RPS6KA2: variants seen among roughly 807,000 people sequenced by gnomAD.
RPS6KA2 encodes ribosomal protein S6 kinase A2.
In RPS6KA2, 42 loss-of-function variants were observed where a neutral mutation model predicts 91.8. The observed-to-expected ratio is 0.46, with a 90% CI of 0.36 to 0.59. The LOEUF (loss-of-function observed/expected upper bound fraction) is 0.59. RPS6KA2 is among the 20% of genes least tolerant of loss of function. The probability of loss-of-function intolerance (pLI) is 0.00; values close to 1 mark genes in which losing one functional copy is unlikely to be tolerated. For missense variants in RPS6KA2, 798 were observed against 978.5 expected, an observed-to-expected ratio of 0.82 and a Z score of 2.46; for synonymous variants, 414 against 393.6, an observed-to-expected ratio of 1.05 and a Z score of -0.61.
rs1386408381 is a variant in RPS6KA2 at position 166,554,625 on chromosome 6, G to A, written c.100-15841C>T. Among the ~76,000 whole-genome samples the A allele has an allele frequency of 6.6e-6, 1 of 152,218 alleles. No homozygotes were observed. The highest frequency in any genetic ancestry group is 1.5e-5 in the Non-Finnish European group (1 of 68,030). On this transcript the variant is annotated intron_variant, in intron 1 of 20. Coordinates refer to ENST00000265678, the MANE Select transcript of RPS6KA2 (RefSeq NM_021135.6). The surrounding 1 kb of genome is among the most constrained non-coding windows in gnomAD (Gnocchi z 4.3). The stretch of plus-strand genomic sequence containing the variant: ...ACGCGGGTGGCCATGGGGGGGTGGG[G>A]GTCCCACTCCAGCACAGGACTCCAT...
At chr6:166,771,503 G>A (rs1464460412) in intron 2 of RPS6KA2, among the ~76,000 whole-genome samples, 2 of 152,172 alleles carry the variant, frequency 1.3e-5, no homozygotes, top group Non-Finnish European at 2.9e-5. Context: ...ATTTTACTCA[G>A]CAACGTGGTT....
chr6:166,664,002 T>C (rs1788243925), intron 2 of RPS6KA2, among the ~76,000 whole-genome samples: 1 of 152,236 alleles, frequency 6.6e-6, no homozygotes, highest in Admixed American at 6.5e-5. Context: ...ACCCATCTCA[T>C]AGGTTTTCTG....
At chr6:166,656,590 CT>C (rs1180840573) in intron 2 of RPS6KA2, among the ~76,000 whole-genome samples, 3 of 152,264 alleles carry the variant, frequency 2.0e-5, no homozygotes, top group Non-Finnish European at 2.9e-5. Context: ...GCCTCCAGCC[CT>C]GGTCTCTGGG....
At chr6:166,631,052 C>T (rs1224016345), upstream of RPS6KA2, among the ~76,000 whole-genome samples, 1 of 152,184 alleles carries the variant, frequency 6.6e-6, no homozygotes, top group Non-Finnish European at 1.5e-5. Flanking sequence ...TGGCCCTCAC[C>T]CACAGGACAC....
At chr6:166,469,214 T>C (rs1281086242) in intron 11 of RPS6KA2, among the ~76,000 whole-genome samples, 1 of 152,074 alleles carries the variant, frequency 6.6e-6, no homozygotes, top group Non-Finnish European at 1.5e-5. Context: ...AAAAGTGAGA[T>C]ACGAGAACTT....
At chr6:166,565,761 G>A (rs887378895) in intron 1 of RPS6KA2, among the ~76,000 whole-genome samples, 2 of 152,216 alleles carry the variant, frequency 1.3e-5, no homozygotes, top group African/African-American at 4.8e-5. Context: ...GGGTGCTCCT[G>A]TGTGGGCCAA....
intron 2 of RPS6KA2, among the ~76,000 whole-genome samples, chr6:166,654,426 G>A (rs886443770): frequency 2.6e-5 from 4 of 152,118 alleles, no homozygotes; most frequent in East Asian, 1.9e-4. Context: ...ACTGCCAGCC[G>A]GGTGAATTCT....
intron 2 of RPS6KA2, among the ~76,000 whole-genome samples, chr6:166,715,921 C>T (rs1291470839): frequency 6.6e-6 from 1 of 151,362 alleles, no homozygotes; most frequent in Non-Finnish European, 1.5e-5. Flanking sequence ...GCCTGTAATC[C>T]CAGCTACTTG....
Position 166,613,111 on chromosome 6 carries a change from G to C in RPS6KA2, c.99+13810C>G, listed in dbSNP as rs191888848. Among the ~76,000 whole-genome samples, 390 of 152,314 alleles carry C rather than the reference G, an allele frequency of 2.6e-3. 4 individuals carry two copies. Among genetic ancestry groups the C allele is most frequent in the Non-Finnish European group, 4.2e-3 (287 of 68,032 alleles). On this transcript the variant is annotated intron_variant, in intron 1 of 20. Transcript: ENST00000265678. The stretch of plus-strand genomic sequence containing the variant: ...TGTCTGAATTTTCTAAGTTAAGGGG[G>C]GAGGTTTGATTTAGTGATCAGAAAA...
At chr6:166,455,339 CGGGGGCCAG>C (rs1396556404) in intron 12 of RPS6KA2, among the ~76,000 whole-genome samples, 1 of 152,090 alleles carries the variant, frequency 6.6e-6, no homozygotes. Flanking sequence ...CTGGTGCAAG[CGGGGGCCAG>C]GCCGTGGGCA....
chr6:166,862,022 C>G, intron 1 of RPS6KA2: 4 of 1,554,180 alleles, frequency 2.6e-6, no homozygotes, highest in Non-Finnish European at 3.5e-6. Flanking sequence ...TGGACATGAA[C>G]TGATTATAGT....
At chr6:166,582,676 C>T (rs1785058721) in intron 1 of RPS6KA2, among the ~76,000 whole-genome samples, 1 of 152,108 alleles carries the variant, frequency 6.6e-6, no homozygotes, top group Non-Finnish European at 1.5e-5. Flanking sequence ...AAAAAATGGG[C>T]AGTAATAAAA....
intron 2 of RPS6KA2, among the ~76,000 whole-genome samples, chr6:166,846,626 A>G (rs2128631269): frequency 6.6e-6 from 1 of 152,346 alleles, no homozygotes; most frequent in Non-Finnish European, 1.5e-5. Flanking sequence ...TCATCCCAAT[A>G]GATGCAGAAA....
chr6:166,626,856 G>C lies in RPS6KA2; in HGVS notation c.99+65C>G, dbSNP rs1287082950. ...GGGGTCCACCCAGGGGTGGCGAGGC[G>C]GGCTCGGGCGACCACGGCCCGCTCA... On this transcript the variant is annotated intron_variant, in intron 1 of 20. Transcript: ENST00000265678. This position sits in a 1 kb window ranked among gnomAD's most constrained non-coding sequence, Gnocchi z 4.1. 1 of 1,308,080 alleles carries C rather than the reference G, an allele frequency of 7.6e-7. No individual in the cohort carries two copies. Among genetic ancestry groups the C allele is most frequent in the Non-Finnish European group, 9.9e-7 (1 of 1,010,278 alleles). The allele number at this position is 1,308,080 out of a possible 1,614,324, so 81.0% of individuals were successfully genotyped here.
At chr6:166,580,530 C>A (rs1224804617) in intron 1 of RPS6KA2, among the ~76,000 whole-genome samples, 1 of 152,174 alleles carries the variant, frequency 6.6e-6, no homozygotes, top group Non-Finnish European at 1.5e-5. Context: ...AGAAAGTTTA[C>A]AAATTTGTGT....
At chr6:166,835,150 T>C (rs1045485229) in intron 2 of RPS6KA2, among the ~76,000 whole-genome samples, 2 of 152,230 alleles carry the variant, frequency 1.3e-5, no homozygotes, top group African/African-American at 4.8e-5. Flanking sequence ...TTCATTCCAT[T>C]GACTATGTCT....
chr6:166,517,455 G>GTTTTTTTTTTTTTTTTTTTT (rs71032809), intron 3 of RPS6KA2, among the ~76,000 whole-genome samples: 2 of 104,970 alleles, frequency 1.9e-5, no homozygotes, highest in African/African-American at 8.9e-5. Context: ...CTTTTGTTTT[G>GTTTTTTTTTTTTTTTTTTTT]TTTTTTTTTT....
Position 166,459,399 on chromosome 6 carries a change from G to A in RPS6KA2, c.1075+50C>T, listed in dbSNP as rs1583162335. On this transcript the variant is annotated intron_variant, in intron 12 of 20. Coordinates refer to ENST00000265678, the MANE Select transcript of RPS6KA2 (RefSeq NM_021135.6). This position sits in a 1 kb window ranked among gnomAD's most constrained non-coding sequence, Gnocchi z 4.9. ...CTTGTTCCTAGATATCTGTCTCTAA[G>A]GGGTCAGGTGGGAGAAGCCACCGAT... 1 of 1,108,888 alleles carries A rather than the reference G, an allele frequency of 9.0e-7. No individual in the cohort carries two copies. The allele number at this position is 1,108,888 out of a possible 1,614,324, so 68.7% of individuals were successfully genotyped here. A position where few individuals can be genotyped will look rare whatever the true frequency, so the allele number is the denominator to read the frequency against.
intron 2 of RPS6KA2, among the ~76,000 whole-genome samples, chr6:166,650,012 T>C (rs547360889): frequency 1.3e-5 from 2 of 152,096 alleles, no homozygotes; most frequent in African/African-American, 2.4e-5. Context: ...CAAATCTTTA[T>C]TACCCTTAAA....
Sources: gnomAD v4.1 joint callset for allele counts (sites outside exome capture counted in the v4.1 genomes callset) on GRCh38, gnomAD v4.1.1 for gene constraint, Gnocchi (gnomAD v3.1) non-coding constraint, MANE v1.5 for transcripts, NCBI Gene and HGNC (gene_info 2026-07-23, HGNC 2026-07-21) for gene names.